Variants in EPC2 observed in about 807,000 individuals in gnomAD.
The protein encoded by EPC2 is enhancer of polycomb homolog 2.
Under a neutral mutation model 92.1 loss-of-function variants are expected in EPC2, and 14 were observed. The ratio of observed to expected loss-of-function variants is 0.15; its 90% confidence interval spans 0.10 to 0.24. The LOEUF is 0.24. EPC2 is among the 10% of genes least tolerant of loss of function. The pLI is 1.00. For synonymous variants in EPC2, 340 were observed against 334.7 expected (o/e 1.02, Z -0.17); for missense variants, 755 against 971.5 (o/e 0.78, Z 2.96).
intron 2 of EPC2, among the ~76,000 whole-genome samples, chr2:148,702,625 T>C (rs554962953): frequency 7.2e-5 from 11 of 152,306 alleles, no homozygotes; most frequent in South Asian, 2.1e-4. Flanking sequence ...AGAACTGTTA[T>C]ATAGAAGATG....
chr2:148,745,270 G>T (rs1682963381), intron 3 of EPC2, among the ~76,000 whole-genome samples: 1 of 151,956 alleles, frequency 6.6e-6, no homozygotes, highest in South Asian at 2.1e-4. Flanking sequence ...CAGCCTTTTG[G>T]TATGTTTATG....
chr2:148,645,273 C>A, intron 1 of EPC2, 103 bp downstream of exon 1: 1 of 1,055,654 alleles, frequency 9.5e-7, no homozygotes, highest in Non-Finnish European at 1.4e-6. Flanking sequence ...CTGGAGGGCG[C>A]CGCTGCCGCT....
chr2:148,738,058 A>G (rs911618418), intron 2 of EPC2, among the ~76,000 whole-genome samples: 1 of 152,054 alleles, frequency 6.6e-6, no homozygotes, highest in Non-Finnish European at 1.5e-5. Flanking sequence ...GCCATTTATA[A>G]CTCTGAAAAT....
intron 1 of EPC2, among the ~76,000 whole-genome samples, chr2:148,658,766 T>A (rs1680870224): frequency 6.6e-6 from 1 of 151,940 alleles, no homozygotes; most frequent in African/African-American, 2.4e-5. Flanking sequence ...CGACATGGGT[T>A]ATATATTACT....
At chr2:148,765,435 T>C (rs1683389328) in intron 7 of EPC2, among the ~76,000 whole-genome samples, 1 of 152,168 alleles carries the variant, frequency 6.6e-6, no homozygotes, top group South Asian at 2.1e-4. Context: ...TCTTAGAAAT[T>C]GAATTACTAG....
chr2:148,730,357 A>G (rs1486029935), intron 2 of EPC2, among the ~76,000 whole-genome samples: 1 of 152,194 alleles, frequency 6.6e-6, no homozygotes, highest in African/African-American at 2.4e-5. Context: ...CTTTAAGGTT[A>G]TTGAAGCCTG....
At chr2:148,725,427 G>A (rs1467660527) in intron 2 of EPC2, among the ~76,000 whole-genome samples, 1 of 151,962 alleles carries the variant, frequency 6.6e-6, no homozygotes, top group African/African-American at 2.4e-5. Context: ...AACCCTTTTA[G>A]AGTAAGTTGT....
rs1212754012 is a variant in EPC2 at position 148,644,801 on chromosome 2, A to G, written c.-217A>G. ...GCGCAGGGAGCGGATCGGGCGGGCG[A>G]GCGGCGGATCTAGTGTGTGGAGGCG... On this transcript the variant is annotated 5_prime_UTR_variant, in exon 1 of 14. Transcript: ENST00000258484. Among the ~76,000 whole-genome samples, 19 of 92,912 alleles carry G rather than the reference A, an allele frequency of 2.0e-4. No individual in the cohort carries two copies. Among genetic ancestry groups the G allele is most frequent in the African/African-American group, 6.5e-4 (15 of 22,940 alleles). 61.0% of individuals were successfully genotyped at this position (92,912 alleles called of 152,430 possible).
chr2:148,698,930 T>C (rs1681815119), intron 2 of EPC2, among the ~76,000 whole-genome samples: 2 of 151,730 alleles, frequency 1.3e-5, no homozygotes, highest in Middle Eastern at 3.2e-3. Flanking sequence ...CATTTTTCCA[T>C]TGTAATCAAA....
At chr2:148,710,746 G>A (rs1489339510) in intron 2 of EPC2, among the ~76,000 whole-genome samples, 2 of 152,222 alleles carry the variant, frequency 1.3e-5, no homozygotes, top group East Asian at 1.9e-4. Flanking sequence ...CATTGCAAGG[G>A]CAAAAAACCA....
intron 10 of EPC2, 125 bp downstream of exon 10, chr2:148,771,512 T>C: frequency 1.1e-6 from 1 of 903,478 alleles, no homozygotes; most frequent in Non-Finnish European, 1.7e-6. Flanking sequence ...TGTTCTGTTC[T>C]GTCTCACATT....
At chr2:148,707,580 T>C (rs1437405132) in intron 2 of EPC2, among the ~76,000 whole-genome samples, 2 of 152,156 alleles carry the variant, frequency 1.3e-5, no homozygotes, top group South Asian at 4.1e-4. Flanking sequence ...TATTCCAAAA[T>C]TGACCATGTA....
chr2:148,765,230 T>G, intron 7 of EPC2, 84 bp downstream of exon 7: 1 of 1,019,432 alleles, frequency 9.8e-7, no homozygotes, highest in Non-Finnish European at 1.4e-6. Flanking sequence ...ATCTTAGAGT[T>G]TTTATTCTTG....
In EPC2 at chr2:148,737,168, G is replaced by A. The variant is rs866941003; in HGVS notation, c.314-6454G>A. Among the ~76,000 whole-genome samples the A allele has an allele frequency of 4.6e-5, 7 of 152,142 alleles. No homozygotes were observed. In the Middle Eastern group the frequency reaches 0.01, roughly 222 times the overall value. Reference sequence around the variant, plus strand: ...ATTGATTTTTGCTTTTATTTCTTAGGGTATTCCCACTAGAAATGTACAGTC... The same window carrying A: ...ATTGATTTTTGCTTTTATTTCTTAGAGTATTCCCACTAGAAATGTACAGTC... On this transcript the variant is annotated intron_variant, in intron 2 of 13. Coordinates refer to ENST00000258484, the MANE Select transcript of EPC2 (RefSeq NM_015630.4).
At chr2:148,752,119 T>TA (rs780884025) in intron 3 of EPC2, among the ~76,000 whole-genome samples, 2 of 152,166 alleles carry the variant, frequency 1.3e-5, no homozygotes, top group Non-Finnish European at 2.9e-5. Context: ...TGAGTATTGT[T>TA]ATGTAAGAAA....
At chr2:148,701,361 G>T (rs1420008853) in intron 2 of EPC2, among the ~76,000 whole-genome samples, 1 of 152,074 alleles carries the variant, frequency 6.6e-6, no homozygotes, top group African/African-American at 2.4e-5. Context: ...GAAAGCGTCT[G>T]GTTTCTTACA....
At chr2:148,741,995 C>T (rs1305797872) in intron 2 of EPC2, among the ~76,000 whole-genome samples, 2 of 152,120 alleles carry the variant, frequency 1.3e-5, no homozygotes, top group Admixed American at 6.6e-5. Flanking sequence ...TATACTATTC[C>T]TCCCCTTAGC....
chr2:148,759,684 C>T (rs767715662), intron 4 of EPC2, among the ~76,000 whole-genome samples: 1 of 151,630 alleles, frequency 6.6e-6, no homozygotes. Flanking sequence ...AAAAATAGTA[C>T]TGCTGATAAT....
At chr2:148,744,077 C>G (rs1179766931) in intron 3 of EPC2, among the ~76,000 whole-genome samples, 1 of 152,076 alleles carries the variant, frequency 6.6e-6, no homozygotes, top group African/African-American at 2.4e-5. Flanking sequence ...TTGCTTGGAT[C>G]TTTAAGGCAG....
Sources: allele counts gnomAD v4.1 joint callset (sites outside exome capture counted in the v4.1 genomes callset), GRCh38; gene constraint gnomAD v4.1.1; transcripts MANE v1.5; gene names NCBI Gene and HGNC (gene_info 2026-07-23, HGNC 2026-07-21).